Variants in SLC35E3 observed in about 807,000 individuals in gnomAD.
The protein encoded by SLC35E3 is bladder cancer-overexpressed gene 1 protein.
In SLC35E3, 28 loss-of-function variants were observed where a neutral mutation model predicts 30.8. The observed-to-expected ratio is 0.91, with a 90% confidence interval of 0.67 to 1.25. The LOEUF (loss-of-function observed/expected upper bound fraction) is 1.25. SLC35E3 is among the 50% of genes most tolerant of loss of function. The pLI is 0.00. For synonymous variants in SLC35E3, 146 were observed against 149.2 expected (o/e 0.98, Z 0.16); for missense variants, 365 against 375.4 (o/e 0.97, Z 0.23).
At chr12:68,758,415 G>T (rs561888968) in intron 3 of SLC35E3, among the ~76,000 whole-genome samples, 2 of 150,510 alleles carry the variant, frequency 1.3e-5, no homozygotes, top group Non-Finnish European at 2.9e-5. Flanking sequence ...GTGAAACTCC[G>T]TCTCAAAAAA....
intron 2 of SLC35E3, among the ~76,000 whole-genome samples, chr12:68,750,285 G>C (rs1878740989): frequency 6.6e-6 from 1 of 152,198 alleles, no homozygotes. Flanking sequence ...AGTAGAGATG[G>C]CCAGGAGACT....
rs1345036517 is a variant in SLC35E3, at chr12:68,752,153, A to C, written c.635A>C (p.Glu212Ala). 3.1e-6 allele frequency: 5 copies of C among 1,613,504 alleles called. No homozygotes were observed. The highest frequency in any genetic ancestry group is 1.7e-4 in the Middle Eastern group (1 of 6,050). ...CCCTTCTTTGAGCCAGTGTTTGGAG[A>C]AGGAGGAATATTTGGTCCCTGGTCA... ...AVPFFEPVFG[E>A]GGIFGPWSVS... The change falls in exon 3 of 5, where the codon GAA becomes GCA. Residue 212 changes from glutamate (E) to alanine (A), a missense_variant. Physicochemically the swap from Glu to Ala is moderately radical, Grantham distance 107 (BLOSUM62 -1). Coordinates refer to ENST00000398004, the MANE Select transcript of SLC35E3 (RefSeq NM_018656.5).
chr12:68,751,097 A>G (rs1267359628), intron 2 of SLC35E3, among the ~76,000 whole-genome samples: 1 of 152,132 alleles, frequency 6.6e-6, no homozygotes, highest in Non-Finnish European at 1.5e-5. Context: ...GTGATTATCC[A>G]GTGTATCTAG....
chr12:68,772,453 A>G lies in SLC35E3; in HGVS notation c.*7563A>G, dbSNP rs1188252418. ...TGTAATCATATTACTTTCTTATATT[A>G]GAAGATAGGATTTCTTCTGATGTAT... On this transcript the variant is annotated 3_prime_UTR_variant, in exon 5 of 5. Transcript: ENST00000398004. 3 of 152,196 alleles carry G rather than the reference A, an allele frequency of 2.0e-5. No individual in the cohort carries two copies. Among genetic ancestry groups the G allele is most frequent in the Non-Finnish European group, 2.9e-5 (2 of 68,044 alleles). 9.4% of individuals were successfully genotyped at this position (152,196 alleles called of 1,614,324 possible).
chr12:68,747,326 A>G (rs1276048547), intron 1 of SLC35E3, among the ~76,000 whole-genome samples: 1 of 151,242 alleles, frequency 6.6e-6, no homozygotes, highest in Non-Finnish European at 1.5e-5. Flanking sequence ...CTGGAGTGCA[A>G]TGGCACGATC....
At chr12:68,756,682 A>G (rs1879017649) in intron 3 of SLC35E3, among the ~76,000 whole-genome samples, 1 of 152,212 alleles carries the variant, frequency 6.6e-6, no homozygotes, top group Non-Finnish European at 1.5e-5. Flanking sequence ...AATGTGATAC[A>G]CTATGTAAAC....
At chr12:68,763,502 G>T (rs1879291658) in intron 4 of SLC35E3, among the ~76,000 whole-genome samples, 1 of 152,024 alleles carries the variant, frequency 6.6e-6, no homozygotes, top group African/African-American at 2.4e-5. Context: ...CGATTCTCCT[G>T]CCTCAGCCTC....
intron 3 of SLC35E3, among the ~76,000 whole-genome samples, chr12:68,756,848 A>T (rs1879031027): frequency 6.6e-6 from 1 of 152,108 alleles, no homozygotes; most frequent in Admixed American, 6.5e-5. Context: ...CGTCTCTACT[A>T]AAAATACAAA....
rs1413445048 is a variant in SLC35E3, at chr12:68,746,353, A to C, written c.-25A>C. The C allele has an allele frequency of 6.5e-7, 1 of 1,540,618 alleles. No individual in the cohort carries two copies. Among genetic ancestry groups the C allele is most frequent in the Non-Finnish European group, 8.7e-7 (1 of 1,144,438 alleles). On this transcript the variant is annotated 5_prime_UTR_variant, in exon 1 of 5. Coordinates refer to ENST00000398004, the MANE Select transcript of SLC35E3 (RefSeq NM_018656.5). ...CAGGCCCGGCGCCCCTTCCGAGGCT[A>C]GACGGCCCCAGCTTCGCGGGGATCA...
At chr12:68,748,128 G>T in intron 2 of SLC35E3, 88 bp downstream of exon 2, 2 of 759,900 alleles carry the variant, frequency 2.6e-6, no homozygotes, top group Non-Finnish European at 4.6e-6. Flanking sequence ...ATACAGTATA[G>T]AGACAATAGA....
intron 3 of SLC35E3, among the ~76,000 whole-genome samples, chr12:68,758,091 C>CA (rs200316416): frequency 0.026 from 3,125 of 121,236 alleles, 91 homozygotes; most frequent in African/African-American, 0.077. Context: ...GACTCCATCT[C>CA]AAAAAAAAAA....
chr12:68,764,403 C>T (rs1209628144), intron 4 of SLC35E3, among the ~76,000 whole-genome samples: 1 of 152,202 alleles, frequency 6.6e-6, no homozygotes, highest in Non-Finnish European at 1.5e-5. Flanking sequence ...ATTCTCATGC[C>T]TCAGGCTCCC....
Position 68,777,872 on chromosome 12 carries a change from C to T in SLC35E3, c.*12982C>T, listed in dbSNP as rs1466404507. On this transcript the variant is annotated 3_prime_UTR_variant, in exon 5 of 5. Coordinates refer to ENST00000398004, the MANE Select transcript of SLC35E3 (RefSeq NM_018656.5). The stretch of plus-strand genomic sequence containing the variant: ...GTGGCTCATGCCTATAATCCCAGCA[C>T]TTTGGGAGGCCAAGGTGGGCGGATC... 1 of 152,426 alleles carries T rather than the reference C, an allele frequency of 6.6e-6. No homozygotes were observed. The highest frequency in any genetic ancestry group is 1.5e-5 in the Non-Finnish European group (1 of 68,232). 9.4% of individuals were successfully genotyped at this position (152,426 alleles called of 1,614,324 possible).
rs934028763 is a variant in SLC35E3 at position 68,764,938 on chromosome 12, A to T, written c.*48A>T. On this transcript the variant is annotated 3_prime_UTR_variant, in exon 5 of 5. Transcript: ENST00000398004. Reference sequence around the variant, plus strand: ...ATGTTGTCCCAAGAAGATAAAAAATATTGTTAAGTGTGCAAGTTATTAAAA... The same window carrying T: ...ATGTTGTCCCAAGAAGATAAAAAATTTTGTTAAGTGTGCAAGTTATTAAAA... 2.6e-6 allele frequency: 4 copies of T among 1,568,374 alleles called. No individual in the cohort carries two copies. The Admixed American group carries it at 5.4e-5, about 21-fold the overall frequency.
rs2136087764 is a variant in SLC35E3, at chr12:68,776,153, T to C, written c.*11263T>C. ...GACGTGTGCCTGGCAGAGGTTTCAGTGAGCCGAGATCATGCCATTACACTC... is the reference window on the plus strand; with the variant it reads ...GACGTGTGCCTGGCAGAGGTTTCAGCGAGCCGAGATCATGCCATTACACTC... On this transcript the variant is annotated 3_prime_UTR_variant, in exon 5 of 5. Coordinates refer to ENST00000398004, the MANE Select transcript of SLC35E3 (RefSeq NM_018656.5). 7.6e-6 allele frequency: 1 copy of C among 131,418 alleles called. No individual in the cohort carries two copies. Among genetic ancestry groups the C allele is most frequent in the African/African-American group, 3.0e-5 (1 of 33,878 alleles). 8.1% of individuals were successfully genotyped at this position (131,418 alleles called of 1,614,324 possible). A position where few individuals can be genotyped will look rare whatever the true frequency, so the allele number is the denominator to read the frequency against.
rs1879632265 is a variant in SLC35E3 at position 68,772,615 on chromosome 12, GTAATTCACA to G, written c.*7727_*7735del. 6.6e-6 allele frequency: 1 copy of G among 152,110 alleles called. No individual in the cohort carries two copies. Among genetic ancestry groups the G allele is most frequent in the African/African-American group, 2.4e-5 (1 of 41,412 alleles). The allele number at this position is 152,110 out of a possible 1,614,324, so 9.4% of individuals were successfully genotyped here. On this transcript the variant is annotated 3_prime_UTR_variant, in exon 5 of 5. Transcript: ENST00000398004. Reference sequence around the variant, plus strand: ...AAAGCAGCATATCACTCAAACTATAGTAATTCACATTTTTCCATTTAACTAAAAATGTCT... The same window carrying G: ...AAAGCAGCATATCACTCAAACTATAGTTTTTCCATTTAACTAAAAATGTCT...
chr12:68,747,809 A>T, intron 1 of SLC35E3, 121 bp from the exon 2 acceptor site: 1 of 555,404 alleles, frequency 1.8e-6, no homozygotes, highest in Non-Finnish European at 3.2e-6. Flanking sequence ...AAACATTTAT[A>T]CAGGTTCATT....
At position 68,765,125 on chromosome 12, in the gene SLC35E3, G is replaced by T. The variant is rs1016798227; in HGVS notation, c.*235G>T. The stretch of plus-strand genomic sequence containing the variant: ...TACAAAATTAGCCAGGCGTGGTGGC[G>T]CATGCCTGTAATCCCAGCTACTCGG... On this transcript the variant is annotated 3_prime_UTR_variant, in exon 5 of 5. Coordinates refer to ENST00000398004, the MANE Select transcript of SLC35E3 (RefSeq NM_018656.5). 6.9e-6 allele frequency: 2 copies of T among 287,952 alleles called. No homozygotes were observed. Among genetic ancestry groups the T allele is most frequent in the Non-Finnish European group, 1.3e-5 (2 of 151,942 alleles). The allele number at this position is 287,952 out of a possible 1,614,324, so 17.8% of individuals were successfully genotyped here. A position where few individuals can be genotyped will look rare whatever the true frequency, so the allele number is the denominator to read the frequency against.
chr12:68,761,489 G>T (rs1332485549), intron 4 of SLC35E3, among the ~76,000 whole-genome samples: 1 of 152,206 alleles, frequency 6.6e-6, no homozygotes, highest in African/African-American at 2.4e-5. Context: ...GACTTTTTGG[G>T]CTAGACGGTT....
Sources: gnomAD v4.1 joint callset for allele counts (sites outside exome capture counted in the v4.1 genomes callset) on GRCh38, gnomAD v4.1.1 for gene constraint, MANE v1.5 for transcripts, NCBI Gene and HGNC (gene_info 2026-07-23, HGNC 2026-07-21) for gene names.